Variants in SORCS2 observed in about 807,000 individuals in gnomAD.
SORCS2 encodes the protein VPS10 domain-containing receptor SorCS2.
A neutral mutation model predicts 141.6 loss-of-function variants in SORCS2; 100 were observed. The ratio of observed to expected loss-of-function variants is 0.71; its 90% CI spans 0.60 to 0.83. SORCS2 has a LOEUF of 0.83. SORCS2 is among the 40% of genes least tolerant of loss of function. The probability of loss-of-function intolerance (pLI) is 0.00; values close to 1 mark genes in which losing one functional copy is unlikely to be tolerated. For missense variants in SORCS2, 1,646 were observed against 1,560.2 expected (o/e 1.05, Z -0.93); for synonymous variants, 789 against 676.9 (o/e 1.17, Z -2.57).
chr4:7,216,777 A>G (rs1214308261), intron 1 of SORCS2, among the ~76,000 whole-genome samples: 1 of 152,086 alleles, frequency 6.6e-6, no homozygotes. Context: ...CGTTTCTACA[A>G]GGGAACCCAT....
At chr4:7,339,518 C>T (rs986198565) in intron 1 of SORCS2, among the ~76,000 whole-genome samples, 1 of 152,188 alleles carries the variant, frequency 6.6e-6, no homozygotes, top group Non-Finnish European at 1.5e-5. Context: ...GGCTGCTGGC[C>T]ATCCTTGGCG....
chr4:7,615,968 T>C (rs1718731470), intron 3 of SORCS2, among the ~76,000 whole-genome samples: 1 of 152,272 alleles, frequency 6.6e-6, no homozygotes, highest in Admixed American at 6.5e-5. Context: ...TGCATACTTA[T>C]ACTAAAATTA....
chr4:7,350,846 C>G (rs1720896135), intron 1 of SORCS2, among the ~76,000 whole-genome samples: 1 of 152,210 alleles, frequency 6.6e-6, no homozygotes, highest in Non-Finnish European at 1.5e-5. Flanking sequence ...TGGAGCACAC[C>G]AGGGCGGGTC....
intron 3 of SORCS2, among the ~76,000 whole-genome samples, chr4:7,540,861 C>T (rs1712591390): frequency 6.6e-6 from 1 of 152,210 alleles, no homozygotes. Context: ...TGGGAGGATG[C>T]CTGACTCAGC....
chr4:7,738,145 CCATCCAGCG>C (rs1712349489), intron 26 of SORCS2, among the ~76,000 whole-genome samples: 2 of 152,248 alleles, frequency 1.3e-5, no homozygotes, highest in Non-Finnish European at 2.9e-5. Context: ...GAGCATGATG[CCATCCAGCG>C]CAACAGGCAC....
chr4:7,467,551 G>A (rs1185671465), intron 2 of SORCS2, among the ~76,000 whole-genome samples: 4 of 152,182 alleles, frequency 2.6e-5, no homozygotes, highest in Non-Finnish European at 4.4e-5. Context: ...GCTCCTGAGT[G>A]TGGGCCTGGG....
At chr4:7,590,474 G>A (rs1426914888) in intron 3 of SORCS2, among the ~76,000 whole-genome samples, 2 of 152,220 alleles carry the variant, frequency 1.3e-5, no homozygotes, top group Admixed American at 1.3e-4. Flanking sequence ...ATGAGCTCTG[G>A]CTGGAGAGTC....
At chr4:7,393,034 G>A (rs1401237439) in intron 1 of SORCS2, among the ~76,000 whole-genome samples, 2 of 152,154 alleles carry the variant, frequency 1.3e-5, no homozygotes, top group Admixed American at 6.5e-5. Flanking sequence ...GAACAGATTC[G>A]TGCACTGCCT....
At chr4:7,536,921 C>T (rs1308980414) in intron 3 of SORCS2, among the ~76,000 whole-genome samples, 2 of 151,910 alleles carry the variant, frequency 1.3e-5, no homozygotes, top group Non-Finnish European at 2.9e-5. Context: ...CAGGGAAGCT[C>T]GGAGAGTCTT....
At chr4:7,326,512 C>T (rs1056867731) in intron 1 of SORCS2, among the ~76,000 whole-genome samples, 1 of 152,202 alleles carries the variant, frequency 6.6e-6, no homozygotes, top group African/African-American at 2.4e-5. Context: ...GGCATGGGAA[C>T]CTTGCCGAGG....
At chr4:7,627,914 G>T (rs1719619602) in intron 3 of SORCS2, among the ~76,000 whole-genome samples, 1 of 152,240 alleles carries the variant, frequency 6.6e-6, no homozygotes, top group African/African-American at 2.4e-5. Context: ...AGGAGGTCAG[G>T]CACGCAGGAA....
At chr4:7,543,375 T>C (rs968491048) in intron 3 of SORCS2, among the ~76,000 whole-genome samples, 1 of 151,614 alleles carries the variant, frequency 6.6e-6, no homozygotes, top group Non-Finnish European at 1.5e-5. Flanking sequence ...ATCCGTTGAT[T>C]CATACATCCA....
intron 1 of SORCS2, among the ~76,000 whole-genome samples, chr4:7,244,983 TGGAG>T (rs1712982969): frequency 6.6e-6 from 1 of 151,306 alleles, no homozygotes; most frequent in East Asian, 2.0e-4. Context: ...TGGAGGGGGG[TGGAG>T]TAAGCCACCA....
chr4:7,340,783 G>GC (rs111960667), intron 1 of SORCS2, among the ~76,000 whole-genome samples: 23,349 of 152,224 alleles, frequency 0.15, 2,062 homozygotes, highest in Non-Finnish European at 0.2. Flanking sequence ...ATTTAGTGAC[G>GC]CCCCCTATTC....
At chr4:7,398,736 T>C (rs964732591) in intron 2 of SORCS2, among the ~76,000 whole-genome samples, 4 of 152,258 alleles carry the variant, frequency 2.6e-5, no homozygotes, top group Non-Finnish European at 5.9e-5. Flanking sequence ...GTCTGCGTCA[T>C]CATTTCTTTT....
At chr4:7,736,937 G>A (rs558669499) in intron 25 of SORCS2, 132 bp from the exon 26 acceptor site, 123 of 1,186,932 alleles carry the variant, frequency 1.0e-4, no homozygotes, top group South Asian at 1.4e-4. Flanking sequence ...TTGGGGCTGG[G>A]GTAGGCACCT....
chr4:7,322,778 T>G (rs1394089209), intron 1 of SORCS2, among the ~76,000 whole-genome samples: 1 of 152,138 alleles, frequency 6.6e-6, no homozygotes, highest in Non-Finnish European at 1.5e-5. Context: ...GAGGACCTAT[T>G]CTGACTTTCA....
intron 1 of SORCS2, among the ~76,000 whole-genome samples, chr4:7,249,586 T>G (rs1388223036): frequency 6.6e-6 from 1 of 152,164 alleles, no homozygotes; most frequent in African/African-American, 2.4e-5. Context: ...CGCCAGGTCC[T>G]TGTCTAGGGG....
chr4:7,381,042 A>G (rs1315350884), intron 1 of SORCS2, among the ~76,000 whole-genome samples: 1 of 145,662 alleles, frequency 6.9e-6, no homozygotes, highest in African/African-American at 2.6e-5. Context: ...AGATTGCGCC[A>G]CTGCACTCCA....
Sources: allele counts gnomAD v4.1 joint callset (sites outside exome capture counted in the v4.1 genomes callset), GRCh38; gene constraint gnomAD v4.1.1; transcripts MANE v1.5; gene names NCBI Gene and HGNC (gene_info 2026-07-23, HGNC 2026-07-21).